ZBTB20: variants seen among roughly 807,000 people sequenced by gnomAD.
ZBTB20 encodes the protein zinc finger and BTB domain containing 20.
ZBTB20 carries 9 observed loss-of-function variants against 56.9 expected under a neutral mutation model. The observed-to-expected ratio is 0.16, with a 90% CI of 0.10 to 0.28. The LOEUF is 0.28. ZBTB20 is among the 10% of genes least tolerant of loss of function. The pLI, the probability that ZBTB20 is intolerant of heterozygous loss-of-function variation, is 1.00. For synonymous variants in ZBTB20, 417 were observed against 420.7 expected, an observed-to-expected ratio of 0.99 and a Z score of 0.11; for missense variants, 655 against 1,003.0, an observed-to-expected ratio of 0.65 and a Z score of 4.69.
chr3:114,841,647 T>A (rs1438286574), intron 4 of ZBTB20, among the ~76,000 whole-genome samples: 1 of 152,096 alleles, frequency 6.6e-6, no homozygotes, highest in Non-Finnish European at 1.5e-5. Flanking sequence ...GAAAAGGTAA[T>A]GTCAAGTTTC....
chr3:114,349,416 C>T (rs1295495600), intron 11 of ZBTB20, among the ~76,000 whole-genome samples: 1 of 152,116 alleles, frequency 6.6e-6, no homozygotes, highest in Non-Finnish European at 1.5e-5. Context: ...GATCTTAGCT[C>T]TGGAATCATA....
chr3:114,729,927 A>G lies in ZBTB20; in HGVS notation c.-342-36352T>C, dbSNP rs1044912920. Among the ~76,000 whole-genome samples, 3 of 149,798 alleles carry G rather than the reference A, an allele frequency of 2.0e-5. No homozygotes were observed. In the East Asian group the frequency reaches 5.9e-4, roughly 29 times the overall value. ...CAAACAATCCTCCCATCTTAGCCTCATGAGTAGCTGGGATCACACATCCGG... is the reference window on the plus strand; with the variant it reads ...CAAACAATCCTCCCATCTTAGCCTCGTGAGTAGCTGGGATCACACATCCGG... On this transcript the variant is annotated intron_variant, in intron 5 of 11. Transcript: ENST00000675478.
intron 6 of ZBTB20, among the ~76,000 whole-genome samples, chr3:114,657,114 G>GAAATAT (rs2060454740): frequency 1.3e-5 from 2 of 152,152 alleles, no homozygotes; most frequent in Admixed American, 6.5e-5. Context: ...GTTGAACATT[G>GAAATAT]TGCATGATAT....
chr3:114,581,692 TAAA>T (rs753892002), intron 6 of ZBTB20, among the ~76,000 whole-genome samples: 3 of 126,396 alleles, frequency 2.4e-5, no homozygotes, highest in Non-Finnish European at 3.5e-5. Flanking sequence ...GGCTTACAAC[TAAA>T]AAAAAAAAAA....
intron 1 of ZBTB20, among the ~76,000 whole-genome samples, chr3:115,109,568 C>CA (rs2083816798): frequency 6.6e-6 from 1 of 152,030 alleles, no homozygotes; most frequent in African/African-American, 2.4e-5. Flanking sequence ...AAAAGAGGCC[C>CA]AAAGACACAG....
Position 115,145,165 on chromosome 3 carries a change from A to G in ZBTB20, c.-703+2054T>C, listed in dbSNP as rs549572482. ...CCTGGGAGACTACTGGAAAGATGGCACAGGGATATCACCATGCACTATGTG... is the reference window on the plus strand; with the variant it reads ...CCTGGGAGACTACTGGAAAGATGGCGCAGGGATATCACCATGCACTATGTG... On this transcript the variant is annotated intron_variant, in intron 1 of 11. Coordinates refer to ENST00000675478, the MANE Select transcript of ZBTB20 (RefSeq NM_001348800.3). 3.9e-5 allele frequency among the ~76,000 whole-genome samples: 6 copies of G among 152,362 alleles called. No individual in the cohort carries two copies. The South Asian group carries it at 8.3e-4, about 21-fold the overall frequency.
At chr3:114,662,123 CA>C (rs1224207506) in intron 6 of ZBTB20, among the ~76,000 whole-genome samples, 1 of 144,672 alleles carries the variant, frequency 6.9e-6, no homozygotes, top group Non-Finnish European at 1.5e-5. Flanking sequence ...TCTCATTGTT[CA>C]ATTCCCACCT....
At chr3:114,945,942 A>T (rs1426485910) in intron 3 of ZBTB20, among the ~76,000 whole-genome samples, 7 of 145,500 alleles carry the variant, frequency 4.8e-5, no homozygotes, top group Non-Finnish European at 1.0e-4. Flanking sequence ...AAGAGCATTA[A>T]ATAATACTAG....
intron 6 of ZBTB20, chr3:114,520,057 T>C (rs902259762): frequency 3.3e-5 from 5 of 152,046 alleles, no homozygotes; most frequent in African/African-American, 1.2e-4. Context: ...AAATTTAAAG[T>C]TACATTTAAC....
chr3:114,332,759 A>T lies in ZBTB20; in HGVS notation c.*6246T>A, dbSNP rs542902239. 1.1e-4 allele frequency: 16 copies of T among 152,362 alleles called. No individual in the cohort carries two copies. The highest frequency in any genetic ancestry group is 3.6e-4 in the African/African-American group (15 of 41,582). The allele number at this position is 152,362 out of a possible 1,614,324, so 9.4% of individuals were successfully genotyped here. A position where few individuals can be genotyped will look rare whatever the true frequency, so the allele number is the denominator to read the frequency against. On this transcript the variant is annotated 3_prime_UTR_variant, in exon 12 of 12. Transcript: ENST00000675478. ...AGTAGCCTTTTGTGAAAATACCTTA[A>T]TTGAGGTCACTTAAGATTAGATTTC...
At chr3:114,781,802 T>C (rs1395742089) in intron 5 of ZBTB20, among the ~76,000 whole-genome samples, 1 of 152,138 alleles carries the variant, frequency 6.6e-6, no homozygotes, top group Non-Finnish European at 1.5e-5. Context: ...ATAAGTCTCA[T>C]GAGATCTGGT....
At chr3:114,551,131 G>A (rs769999957) in intron 6 of ZBTB20, among the ~76,000 whole-genome samples, 5 of 152,092 alleles carry the variant, frequency 3.3e-5, no homozygotes, top group African/African-American at 9.7e-5. Flanking sequence ...AAATTATTTC[G>A]ATTGTCTTTA....
In ZBTB20 at chr3:114,339,759, T is replaced by C. The variant is rs2108087384; in HGVS notation, c.1805-333A>G. ...AAGGGAGGGCTACTTTTGAAGGGGGTCACTTTCAGTGTCCTGATTAGGGGA... is the reference window on the plus strand; with the variant it reads ...AAGGGAGGGCTACTTTTGAAGGGGGCCACTTTCAGTGTCCTGATTAGGGGA... On this transcript the variant is annotated intron_variant, in intron 11 of 11. Transcript: ENST00000675478. This position sits in a 1 kb window ranked among gnomAD's most constrained non-coding sequence, Gnocchi z 4.2. 6.6e-6 allele frequency among the ~76,000 whole-genome samples: 1 copy of C among 152,194 alleles called. No homozygotes were observed. The highest frequency in any genetic ancestry group is 2.1e-4 in the South Asian group (1 of 4,822).
intron 7 of ZBTB20, among the ~76,000 whole-genome samples, chr3:114,435,677 A>G (rs2090467631): frequency 6.6e-6 from 1 of 152,168 alleles, no homozygotes; most frequent in South Asian, 2.1e-4. Context: ...AAAAAATTAA[A>G]ACTCCTGGCT....
At chr3:114,552,983 A>C (rs1026041446) in intron 6 of ZBTB20, among the ~76,000 whole-genome samples, 1 of 152,222 alleles carries the variant, frequency 6.6e-6, no homozygotes, top group Admixed American at 6.5e-5. Flanking sequence ...GGTCACTCCA[A>C]GAAGTGTCCT....
intron 6 of ZBTB20, among the ~76,000 whole-genome samples, chr3:114,661,314 C>T (rs1051451196): frequency 6.6e-6 from 1 of 152,070 alleles, no homozygotes; most frequent in Non-Finnish European, 1.5e-5. Context: ...AGAAACGTAC[C>T]TTCTTGCTAT....
chr3:115,051,974 C>T (rs2081567764), intron 2 of ZBTB20, among the ~76,000 whole-genome samples: 1 of 152,018 alleles, frequency 6.6e-6, no homozygotes, highest in Non-Finnish European at 1.5e-5. Flanking sequence ...AGAACTCACT[C>T]ACTATCATGA....
intron 5 of ZBTB20, among the ~76,000 whole-genome samples, chr3:114,780,296 T>C (rs1007469510): frequency 2.0e-5 from 3 of 152,152 alleles, no homozygotes; most frequent in Non-Finnish European, 4.4e-5. Context: ...AAGTTTTTCA[T>C]TAAGACAAAA....
chr3:114,605,632 A>G (rs1297962309), intron 6 of ZBTB20, among the ~76,000 whole-genome samples: 1 of 152,196 alleles, frequency 6.6e-6, no homozygotes, highest in African/African-American at 2.4e-5. Context: ...TAATTATAAC[A>G]CAGGGTGAAT....
Sources: gnomAD v4.1 joint callset for allele counts (sites outside exome capture counted in the v4.1 genomes callset) on GRCh38, gnomAD v4.1.1 for gene constraint, Gnocchi (gnomAD v3.1) non-coding constraint, MANE v1.5 for transcripts, NCBI Gene and HGNC (gene_info 2026-07-23, HGNC 2026-07-21) for gene names.